Variants in ABCA4 observed in about 807,000 individuals in gnomAD.
The protein encoded by ABCA4 is ATP binding cassette subfamily A member 4.
In ABCA4, 196 loss-of-function variants were observed where a neutral mutation model predicts 263.7. The ratio of observed to expected loss-of-function variants is 0.74; its 90% CI spans 0.66 to 0.84. ABCA4 has a LOEUF of 0.84. ABCA4 is among the 40% of genes least tolerant of loss of function. The probability of loss-of-function intolerance (pLI) is 0.00; values close to 1 mark genes in which losing one functional copy is unlikely to be tolerated. For missense variants in ABCA4, 2,792 were observed against 2,855.1 expected (o/e 0.98, Z 0.50); for synonymous variants, 1,133 against 1,094.2 (o/e 1.04, Z -0.70).
intron 41 of ABCA4, 22 bp from the exon 42 acceptor site, chr1:94,008,319 G>A: frequency 1.2e-6 from 2 of 1,612,088 alleles, no homozygotes; most frequent in Non-Finnish European, 1.7e-6. Context: ...GAAGAAACCG[G>A]ACTGAGAACT....
intron 1 of ABCA4, among the ~76,000 whole-genome samples, chr1:94,115,827 C>G (rs534523935): frequency 6.6e-6 from 1 of 152,148 alleles, no homozygotes; most frequent in South Asian, 2.1e-4. Flanking sequence ...GTAGGCCTGC[C>G]CTCCACTTAC....
Position 94,001,110 on chromosome 1 carries a change from G to T in ABCA4, c.6283-5C>A. Reference sequence around the variant, plus strand: ...CATCCCTGTGGTGGGCTCATCCTGGGGGGTGGAGAGAAGGTTGGGGGCACA... The same window carrying T: ...CATCCCTGTGGTGGGCTCATCCTGGTGGGTGGAGAGAAGGTTGGGGGCACA... On this transcript the variant is annotated splice_region_variant and splice_polypyrimidine_tract_variant and intron_variant, in intron 45 of 49. Transcript: ENST00000370225. 6.2e-7 allele frequency: 1 copy of T among 1,612,336 alleles called. No homozygotes were observed. Among genetic ancestry groups the T allele is most frequent in the East Asian group, 2.2e-5 (1 of 44,862 alleles).
At chr1:94,030,371 C>T (rs879067476) in intron 29 of ABCA4, 57 bp downstream of exon 29, 12 of 1,520,916 alleles carry the variant, frequency 7.9e-6, no homozygotes, top group South Asian at 1.1e-5. Context: ...TTGAACCCAC[C>T]GTTGGGTCCT....
chr1:94,017,706 C>T (rs768303792), intron 36 of ABCA4, among the ~76,000 whole-genome samples: 10 of 152,028 alleles, frequency 6.6e-5, no homozygotes, highest in East Asian at 1.9e-4. Flanking sequence ...AAGTATACAT[C>T]GGACGTGCTG....
At chr1:94,086,500 T>C (rs1661830927) in intron 6 of ABCA4, among the ~76,000 whole-genome samples, 1 of 152,092 alleles carries the variant, frequency 6.6e-6, no homozygotes, top group Non-Finnish European at 1.5e-5. Flanking sequence ...ATTCAATTAA[T>C]CGTATTGCCT....
intron 30 of ABCA4, among the ~76,000 whole-genome samples, chr1:94,025,830 T>A (rs1660027955): frequency 6.6e-6 from 1 of 152,210 alleles, no homozygotes; most frequent in Non-Finnish European, 1.5e-5. Context: ...CCGTAGGATA[T>A]CATTTTGGTG....
At chr1:94,036,693 G>T in intron 26 of ABCA4, 47 bp downstream of exon 26, 7 of 1,593,748 alleles carry the variant, frequency 4.4e-6, no homozygotes, top group East Asian at 2.2e-5. Context: ...GATGGAACTT[G>T]GGAGGGAGGC....
In ABCA4 at chr1:94,108,842, G is replaced by A. The variant is rs951043045; in HGVS notation, c.303-126C>T. On this transcript the variant is annotated intron_variant, in intron 3 of 49. Transcript: ENST00000370225. ...GGCTGGAGTGCAGTGGCGTGATCTC[G>A]GCTCACTGCAAGCTCTGCCCCCCGG... is the stretch of plus-strand genomic sequence containing the variant. 2.9e-5 allele frequency: 34 copies of A among 1,185,510 alleles called. 1 individual carries two copies. Among genetic ancestry groups the A allele is most frequent in the Admixed American group, 2.4e-4 (12 of 49,144 alleles). The allele number at this position is 1,185,510 out of a possible 1,614,324, so 73.4% of individuals were successfully genotyped here.
At chr1:94,088,348 C>T (rs1240710976) in intron 6 of ABCA4, among the ~76,000 whole-genome samples, 1 of 152,190 alleles carries the variant, frequency 6.6e-6, no homozygotes, top group South Asian at 2.1e-4. Context: ...TTCCCAAGGG[C>T]CTCCCTTGCT....
At chr1:94,020,875 T>G (rs1225233353) in intron 35 of ABCA4, among the ~76,000 whole-genome samples, 1 of 152,252 alleles carries the variant, frequency 6.6e-6, no homozygotes, top group Non-Finnish European at 1.5e-5. Flanking sequence ...ATTCCTGGAA[T>G]CTAAGATAAT....
chr1:94,016,209 T>C (rs150296511), intron 36 of ABCA4, among the ~76,000 whole-genome samples: 26 of 152,318 alleles, frequency 1.7e-4, no homozygotes, highest in African/African-American at 6.3e-4. Context: ...GTTCTTGGCT[T>C]CACAAAGCTC....
chr1:94,080,983 G>A (rs1291197417), intron 7 of ABCA4, among the ~76,000 whole-genome samples: 1 of 152,158 alleles, frequency 6.6e-6, no homozygotes, highest in African/African-American at 2.4e-5. Context: ...CTAGCACTTT[G>A]GGAGGCCGAG....
Position 94,043,436 on chromosome 1 carries a change from C to G in ABCA4, c.3090G>C (p.Leu1030=). The change falls in exon 21 of 50, where the codon CTG becomes CTC. Residue 1030 remains leucine (L), a synonymous_variant. Coordinates refer to ENST00000370225, the MANE Select transcript of ABCA4 (RefSeq NM_000350.3). Reference sequence around the variant, plus strand: ...GGGCCTCCTCCTGGGACTTTCCTTTCAGCTGGGCATAGAACAGCATGTGCT... The same window carrying G: ...GGGCCTCCTCCTGGGACTTTCCTTTGAGCTGGGCATAGAACAGCATGTGCT... ...VAEHMLFYAQ[L]KGKSQEEAQL... is the part of the protein sequence containing the mutation. 3.1e-6 allele frequency: 5 copies of G among 1,614,198 alleles called. No homozygotes were observed. Among genetic ancestry groups the G allele is most frequent in the Non-Finnish European group, 4.2e-6 (5 of 1,180,036 alleles).
At chr1:94,115,158 T>G (rs1662725060) in intron 1 of ABCA4, among the ~76,000 whole-genome samples, 1 of 152,176 alleles carries the variant, frequency 6.6e-6, no homozygotes, top group Non-Finnish European at 1.5e-5. Context: ...TTCAGTAAGA[T>G]AGCAACGTTG....
At chr1:94,115,593 A>G (rs1178474375) in intron 1 of ABCA4, among the ~76,000 whole-genome samples, 1 of 152,164 alleles carries the variant, frequency 6.6e-6, no homozygotes, top group South Asian at 2.1e-4. Flanking sequence ...TCCGTGCCAA[A>G]TGGTCTCATC....
rs1222067045 is a variant in ABCA4 at position 94,010,818 on chromosome 1, T to C, written c.5696A>G (p.His1899Arg). 1 of 1,614,048 alleles carries C rather than the reference T, an allele frequency of 6.2e-7. No individual in the cohort carries two copies. ...GACGTACCATTGGGAGAGGAAGAAG[T>C]GGCGCTGGACCAGCAGGGTCAGGAG... ...YFLLTLLVQR[H>R]FFLSQWIAEP... The change falls in exon 40 of 50, where the codon CAC (histidine) becomes CGC (arginine). Residue 1899 changes from histidine to arginine, a missense_variant. Transcript: ENST00000370225.
intron 2 of ABCA4, 41 bp from the exon 3 acceptor site, chr1:94,111,620 G>C: frequency 6.2e-7 from 1 of 1,612,722 alleles, no homozygotes; most frequent in Non-Finnish European, 8.5e-7. Context: ...ATTAGTCATG[G>C]AGACCAAGCA....
At chr1:94,019,797 A>G in intron 35 of ABCA4, 38 bp from the exon 36 acceptor site, 2 of 1,591,754 alleles carry the variant, frequency 1.3e-6, no homozygotes, top group Non-Finnish European at 1.7e-6. Context: ...AGGGCGATGA[A>G]GAGGGAAGAG....
At chr1:94,098,046 T>C (rs558656849) in intron 6 of ABCA4, among the ~76,000 whole-genome samples, 37 of 152,326 alleles carry the variant, frequency 2.4e-4, no homozygotes, top group Admixed American at 9.8e-4. Flanking sequence ...CGTGAGCCAC[T>C]GCGCCCGGCC....
Sources: allele counts gnomAD v4.1 joint callset (sites outside exome capture counted in the v4.1 genomes callset), GRCh38; gene constraint gnomAD v4.1.1; transcripts MANE v1.5; gene names NCBI Gene and HGNC (gene_info 2026-07-23, HGNC 2026-07-21).